Variants in HSF4 observed in about 807,000 individuals in gnomAD.
HSF4 encodes heat shock transcription factor 4.
HSF4 carries 41 observed loss-of-function variants against 52.0 expected under a neutral mutation model. The observed-to-expected ratio is 0.79, with a 90% CI of 0.61 to 1.02. HSF4 has a LOEUF of 1.02. Among genes scored for constraint, HSF4 ranks in the 50% least tolerant of loss-of-function variants. The pLI, the probability that HSF4 is intolerant of heterozygous loss-of-function variation, is 0.00. For missense variants in HSF4, 610 were observed against 651.1 expected, an observed-to-expected ratio of 0.94 and a Z score of 0.69; for synonymous variants, 285 against 273.0, an observed-to-expected ratio of 1.04 and a Z score of -0.43.
At position 67,169,888 on chromosome 16, in the gene HSF4, A is replaced by G; in HGVS notation, c.*103A>G. 1.7e-6 allele frequency: 2 copies of G among 1,194,320 alleles called. No individual in the cohort carries two copies. Among genetic ancestry groups the G allele is most frequent in the Non-Finnish European group, 2.5e-6 (2 of 808,800 alleles). The allele number at this position is 1,194,320 out of a possible 1,614,324, so 74.0% of individuals were successfully genotyped here. The stretch of plus-strand genomic sequence containing the variant: ...GGGTGAGCGAAGCCCCCACTACTAA[A>G]TGGCCTCTCTCCACTACCCCGACTA... On this transcript the variant is annotated 3_prime_UTR_variant, in exon 13 of 13. Coordinates refer to ENST00000521374, the MANE Select transcript of HSF4 (RefSeq NM_001374675.1). The surrounding 1 kb of genome is among the most constrained non-coding windows in gnomAD (Gnocchi z 4.3).
chr16:67,164,719 A>AGGGCGGAGC, upstream of HSF4: 2 of 1,427,680 alleles, frequency 1.4e-6, no homozygotes, highest in Non-Finnish European at 1.8e-6. Context: ...GGGGCGGAGT[A>AGGGCGGAGC]GGGCGGAGCG....
rs568955069 is a variant in HSF4, at chr16:67,165,066, C to A, written c.123+132C>A. 1.3e-3 allele frequency: 1,332 copies of A among 1,022,380 alleles called. 2 individuals are homozygous for A. The highest frequency in any genetic ancestry group is 1.7e-3 in the Non-Finnish European group (1,197 of 719,870). 63.3% of individuals were successfully genotyped at this position (1,022,380 alleles called of 1,614,324 possible). ...GGATTTGGCCATTCAGAGAAGTTCA[C>A]CTTGGAGGGGGTGTGCGAGAGGGGG... On this transcript the variant is annotated intron_variant, in intron 1 of 12. Coordinates refer to ENST00000521374, the MANE Select transcript of HSF4 (RefSeq NM_001374675.1). The surrounding 1 kb of genome is among the most constrained non-coding windows in gnomAD (Gnocchi z 6.9).
chr16:67,169,708 G>A lies in HSF4; in HGVS notation c.1402G>A (p.Gly468Arg). Residue 468 changes from glycine (G) to arginine (R), a missense_variant, in exon 13 of 13, where the codon GGG (glycine) becomes AGG (arginine). By Grantham distance (125) the Gly-to-Arg change is moderately radical. Coordinates refer to ENST00000521374, the MANE Select transcript of HSF4 (RefSeq NM_001374675.1). This position sits in a 1 kb window ranked among gnomAD's most constrained non-coding sequence, Gnocchi z 4.3. Reference protein sequence around the residue: ...ALGGPALGLPGALTIYSTPES... With the variant: ...ALGGPALGLPRALTIYSTPES... Reference sequence around the variant, plus strand: ...GGGAGGCCCAGCCCTGGGCCTGCCTGGGGCTTTAACCATTTATAGCACTCC... The same window carrying A: ...GGGAGGCCCAGCCCTGGGCCTGCCTAGGGCTTTAACCATTTATAGCACTCC... 6.2e-7 allele frequency: 1 copy of A among 1,612,986 alleles called. No homozygotes were observed. The highest frequency in any genetic ancestry group is 8.5e-7 in the Non-Finnish European group (1 of 1,179,948).
Position 67,169,809 on chromosome 16 carries a change from T to G in HSF4, c.*24T>G, listed in dbSNP as rs984086199. ...AAGACCCCGCGCCTCTGAAGGGGCT[T>G]GGAACCAGTCCGCCGCTGCACATCC... On this transcript the variant is annotated 3_prime_UTR_variant, in exon 13 of 13. Transcript: ENST00000521374. The surrounding 1 kb of genome is among the most constrained non-coding windows in gnomAD (Gnocchi z 4.3). 6.2e-7 allele frequency: 1 copy of G among 1,612,838 alleles called. No individual in the cohort carries two copies. The highest frequency in any genetic ancestry group is 8.5e-7 in the Non-Finnish European group (1 of 1,179,858).
At chr16:67,164,476 A>G (rs1431783220), upstream of HSF4, 1 of 543,012 alleles carries the variant, frequency 1.8e-6, no homozygotes, top group East Asian at 4.6e-5. Context: ...CGCACCGGCG[A>G]TTTCTCCTGT....
At chr16:67,164,198 G>T (rs1329674609), upstream of HSF4, 1 of 493,966 alleles carries the variant, frequency 2.0e-6, no homozygotes, top group African/African-American at 2.0e-5. Context: ...TTAAAGGCGG[G>T]GTCGGATCTG....
Position 67,165,680 on chromosome 16 carries a change from G to C in HSF4, c.233-39G>C. On this transcript the variant is annotated intron_variant, in intron 2 of 12. Transcript: ENST00000521374. This position sits in a 1 kb window ranked among gnomAD's most constrained non-coding sequence, Gnocchi z 6.9. The stretch of plus-strand genomic sequence containing the variant: ...AGCGGGGATGGGGGACTCGGTGCCG[G>C]GGATGGGGCGACCCACGCCCCCACG... The C allele has an allele frequency of 6.2e-7, 1 of 1,612,190 alleles. No individual in the cohort carries two copies. Among genetic ancestry groups the C allele is most frequent in the Non-Finnish European group, 8.5e-7 (1 of 1,179,818 alleles).
rs1216711632 is a variant in HSF4, at chr16:67,169,685, G to A, written c.1379G>A (p.Gly460Glu). 6.8e-6 allele frequency: 11 copies of A among 1,612,432 alleles called. No homozygotes were observed. The Admixed American group carries it at 1.3e-4, about 20-fold the overall frequency. ...PLLLDVQAAL[G>E]GPALGLPGAL... ...CTGCTGGATGTCCAGGCGGCCTTGG[G>A]AGGCCCAGCCCTGGGCCTGCCTGGG... Residue 460 changes from glycine to glutamate, a missense_variant, in exon 13 of 13, where the codon GGA (glycine) becomes GAA (glutamate). By Grantham distance (98) the Gly-to-Glu change is moderately conservative. Coordinates refer to ENST00000521374, the MANE Select transcript of HSF4 (RefSeq NM_001374675.1). This position sits in a 1 kb window ranked among gnomAD's most constrained non-coding sequence, Gnocchi z 4.3.
rs778378816 is a variant in HSF4, at chr16:67,165,721, G to A, written c.235G>A (p.Gly79Ser). ...CGCCCCCACGCCCCACTCCCCAGAC[G>A]GTTTTCGGAAGGTGGTGAGCATCGA... The part of the protein sequence containing the change: ...ASFVRQLNMY[G>S]FRKVVSIEQG... The change falls in exon 3 of 13, where the codon GGT becomes AGT. Residue 79 changes from glycine to serine, a missense_variant and splice_region_variant. Transcript: ENST00000521374. This position sits in a 1 kb window ranked among gnomAD's most constrained non-coding sequence, Gnocchi z 6.9. 1.9e-6 allele frequency: 3 copies of A among 1,612,044 alleles called. No homozygotes were observed. The highest frequency in any genetic ancestry group is 1.3e-5 in the African/African-American group (1 of 75,054).
At chr16:67,163,916 T>C, upstream of HSF4, 6 of 1,500,258 alleles carry the variant, frequency 4.0e-6, no homozygotes, top group Non-Finnish European at 5.4e-6. Flanking sequence ...GTGCCTTCTT[T>C]TGGGATTGTT....
intron 5 of HSF4, 47 bp downstream of exon 5, chr16:67,166,442 C>T (rs1459869608): frequency 7.6e-6 from 12 of 1,588,590 alleles, no homozygotes; most frequent in Non-Finnish European, 1.7e-6. Context: ...TCCTCGACAC[C>T]CCATTCCACC....
In HSF4 at chr16:67,165,247, AT is replaced by A; in HGVS notation, c.124-273del. 1.7e-6 allele frequency: 1 copy of A among 594,458 alleles called. No individual in the cohort carries two copies. Among genetic ancestry groups the A allele is most frequent in the Non-Finnish European group, 3.0e-6 (1 of 334,102 alleles). 36.8% of individuals were successfully genotyped at this position (594,458 alleles called of 1,614,324 possible). On this transcript the variant is annotated intron_variant, in intron 1 of 12. Coordinates refer to ENST00000521374, the MANE Select transcript of HSF4 (RefSeq NM_001374675.1). This position sits in a 1 kb window ranked among gnomAD's most constrained non-coding sequence, Gnocchi z 6.9. Reference sequence around the variant, plus strand: ...AAGGGCTGGTCTAGCTCAGGGTCACATTGCGGGGCTGGGAACCCCGTCAGCC... The same window carrying A: ...AAGGGCTGGTCTAGCTCAGGGTCACATGCGGGGCTGGGAACCCCGTCAGCC...
Position 67,165,290 on chromosome 16 carries a change from T to C in HSF4, c.124-232T>C, listed in dbSNP as rs999201263. On this transcript the variant is annotated intron_variant, in intron 1 of 12. Coordinates refer to ENST00000521374, the MANE Select transcript of HSF4 (RefSeq NM_001374675.1). This position sits in a 1 kb window ranked among gnomAD's most constrained non-coding sequence, Gnocchi z 6.9. ...CCGTCAGCCTCTCCTTTCTGAGAAC[T>C]GAGTATGGAGTCAGGGTCTGGCTGG... The C allele has an allele frequency of 1.7e-6, 1 of 600,066 alleles. No individual in the cohort carries two copies. Among genetic ancestry groups the C allele is most frequent in the South Asian group, 2.0e-5 (1 of 50,524 alleles). The allele number at this position is 600,066 out of a possible 1,614,324, so 37.2% of individuals were successfully genotyped here.
rs368490280 is a variant in HSF4, at chr16:67,167,889, G to A, written c.1024G>A (p.Glu342Lys). Residue 342 changes from glutamate (E) to lysine (K), a missense_variant, in exon 9 of 13, where the codon GAG becomes AAG. Transcript: ENST00000521374. Reference sequence around the variant, plus strand: ...GGAAGGGAAAGGGAGCTTCAGCCCCGAGGGGCCCAGGAATGCCCAACAGCC... The same window carrying A: ...GGAAGGGAAAGGGAGCTTCAGCCCCAAGGGGCCCAGGAATGCCCAACAGCC... Reference protein sequence around the residue: ...ILEGKGSFSPEGPRNAQQPEP... With the variant: ...ILEGKGSFSPKGPRNAQQPEP... 11 of 1,606,038 alleles carry A rather than the reference G, an allele frequency of 6.8e-6. No homozygotes were observed. Among genetic ancestry groups the A allele is most frequent in the Admixed American group, 3.4e-5 (2 of 59,362 alleles).
chr16:67,167,123 C>T lies in HSF4; in HGVS notation c.630C>T (p.Ser210=). ...PSNAGGKRKL[S]LMLDEGSSCP... is the part of the protein sequence containing the mutation. ...TGTGCCCTGATCGACCACACAGGTC[C>T]CTGATGCTGGATGAGGGGAGCTCAT... is the stretch of plus-strand genomic sequence containing the variant. The change falls in exon 7 of 13, where the codon TCC becomes TCT. Residue 210 remains serine (S), a synonymous_variant. Transcript: ENST00000521374. 6.2e-7 allele frequency: 1 copy of T among 1,614,158 alleles called. No homozygotes were observed. The highest frequency in any genetic ancestry group is 8.5e-7 in the Non-Finnish European group (1 of 1,180,022).
Position 67,165,182 on chromosome 16 carries a change from C to G in HSF4, c.123+248C>G. The G allele has an allele frequency of 1.7e-6, 1 of 595,666 alleles. No individual in the cohort carries two copies. Among genetic ancestry groups the G allele is most frequent in the Non-Finnish European group, 3.0e-6 (1 of 335,602 alleles). The allele number at this position is 595,666 out of a possible 1,614,324, so 36.9% of individuals were successfully genotyped here. ...TCGAGGCCATTTAGTTCCCACCCTA[C>G]CCCATCCGACAGATGGGAAAACAGA... On this transcript the variant is annotated intron_variant, in intron 1 of 12. Transcript: ENST00000521374. The surrounding 1 kb of genome is among the most constrained non-coding windows in gnomAD (Gnocchi z 6.9).
rs1016460166 is a variant in HSF4, at chr16:67,166,068, G to A, written c.483G>A (p.Arg161=). The change falls in exon 4 of 13, where the codon AGG becomes AGA. Residue 161 remains arginine, a splice_region_variant and synonymous_variant. Coordinates refer to ENST00000521374, the MANE Select transcript of HSF4 (RefSeq NM_001374675.1). ...ESTEARLREL[R]QQNEILWREV... is the part of the protein sequence containing the mutation. ...CCGAGGCGCGGCTGCGGGAGCTCAG[G>A]CAGTGCGGGGGCGGGCGGGGAAAGA... 1 of 1,530,024 alleles carries A rather than the reference G, an allele frequency of 6.5e-7. No individual in the cohort carries two copies. The allele number at this position is 1,530,024 out of a possible 1,614,324, so 94.8% of individuals were successfully genotyped here.
chr16:67,163,947 G>A (rs1182805222), upstream of HSF4: 1 of 1,397,706 alleles, frequency 7.2e-7, no homozygotes, highest in Middle Eastern at 2.3e-4. Context: ...TCTTTACCGA[G>A]TTGGGAACTG....
chr16:67,164,794 C>G lies in HSF4; in HGVS notation c.-18C>G, dbSNP rs766145156. ...GCAGCGGCCGGGCCCGAGCGCAGAGCCGGGCCGAGACTGCACCATGCAGGA... is the reference window on the plus strand; with the variant it reads ...GCAGCGGCCGGGCCCGAGCGCAGAGGCGGGCCGAGACTGCACCATGCAGGA... On this transcript the variant is annotated 5_prime_UTR_variant, in exon 1 of 13. Coordinates refer to ENST00000521374, the MANE Select transcript of HSF4 (RefSeq NM_001374675.1). The G allele has an allele frequency of 1.3e-6, 2 of 1,585,572 alleles. No individual in the cohort carries two copies. Among genetic ancestry groups the G allele is most frequent in the African/African-American group, 2.7e-5 (2 of 73,726 alleles).
Sources: allele counts gnomAD v4.1 joint callset, GRCh38; gene constraint gnomAD v4.1.1; non-coding constraint Gnocchi (gnomAD v3.1); transcripts MANE v1.5; gene names NCBI Gene and HGNC (gene_info 2026-07-23, HGNC 2026-07-21).